SLCO1B3: variants seen among roughly 807,000 people sequenced by gnomAD.
SLCO1B3 encodes liver-specific organic anion transporter 2.
In SLCO1B3, 72 loss-of-function variants were observed where a neutral mutation model predicts 71.8. The ratio of observed to expected loss-of-function variants is 1.00; its 90% CI spans 0.83 to 1.22. The LOEUF (loss-of-function observed/expected upper bound fraction) is 1.22, where lower values mean the gene tolerates loss of function less well. Among genes scored for constraint, SLCO1B3 ranks in the 50% most tolerant of loss-of-function variants. SLCO1B3 has a pLI of 0.00. For synonymous variants in SLCO1B3, 298 were observed against 278.4 expected, an observed-to-expected ratio of 1.07 and a Z score of -0.70; for missense variants, 911 against 819.7, an observed-to-expected ratio of 1.11 and a Z score of -1.36.
chr12:20,853,304 A>G (rs750770472), intron 3 of SLCO1B3, among the ~76,000 whole-genome samples: 1 of 151,974 alleles, frequency 6.6e-6, no homozygotes, highest in African/African-American at 2.4e-5. Context: ...TTTCAAAAGT[A>G]TTGGTGTTAC....
chr12:20,897,050 C>T (rs553001155), intron 13 of SLCO1B3, among the ~76,000 whole-genome samples: 2 of 152,246 alleles, frequency 1.3e-5, no homozygotes, highest in African/African-American at 4.8e-5. Context: ...CCCACCGGAT[C>T]CCTCCCACAA....
chr12:20,855,000 T>G (rs750372010), intron 3 of SLCO1B3, 28 bp from the exon 4 acceptor site: 1 of 1,599,550 alleles, frequency 6.3e-7, no homozygotes, highest in Non-Finnish European at 8.5e-7. Context: ...GATTAACCAA[T>G]TTTCATTTTT....
chr12:20,865,834 C>T (rs917573695), intron 8 of SLCO1B3, among the ~76,000 whole-genome samples: 3 of 152,048 alleles, frequency 2.0e-5, no homozygotes, highest in Non-Finnish European at 2.9e-5. Context: ...ATAGACCTTA[C>T]ATGATGCCAT....
In SLCO1B3 at chr12:20,879,531, T is replaced by C. The variant is rs778837188; in HGVS notation, c.1231T>C (p.Ser411Pro). The change falls in exon 11 of 16, where the codon TCA becomes CCA. Residue 411 changes from serine (S) to proline (P), a missense_variant. Physicochemically the swap from Ser to Pro is moderately conservative, Grantham distance 74. Transcript: ENST00000381545. ...KLSLVGIAKF[S>P]FLTSMISFLF... ...GTCTTTAGTTGGAATTGCCAAATTT[T>C]CATTTCTTACTTCGATGATATCCTT... 6.2e-7 allele frequency: 1 copy of C among 1,612,346 alleles called. No individual in the cohort carries two copies. Among genetic ancestry groups the C allele is most frequent in the East Asian group, 2.2e-5 (1 of 44,786 alleles).
At chr12:20,909,777 C>G (rs1866337862) in intron 15 of SLCO1B3, among the ~76,000 whole-genome samples, 1 of 152,114 alleles carries the variant, frequency 6.6e-6, no homozygotes, top group African/African-American at 2.4e-5. Context: ...GTGGCACCTT[C>G]TTAGCTCACT....
intron 3 of SLCO1B3, among the ~76,000 whole-genome samples, chr12:20,820,573 G>C (rs1864277409): frequency 6.6e-6 from 1 of 152,200 alleles, no homozygotes; most frequent in Non-Finnish European, 1.5e-5. Context: ...TCACAGTGGA[G>C]GCAAGGAATT....
chr12:20,884,040 A>G (rs1378384336), intron 13 of SLCO1B3, among the ~76,000 whole-genome samples: 1 of 152,202 alleles, frequency 6.6e-6, no homozygotes, highest in African/African-American at 2.4e-5. Context: ...CTTTCAATTC[A>G]CCCACAGCAT....
At chr12:20,868,402 A>T (rs2121272102) in intron 8 of SLCO1B3, among the ~76,000 whole-genome samples, 1 of 152,098 alleles carries the variant, frequency 6.6e-6, no homozygotes, top group South Asian at 2.2e-4. Flanking sequence ...AACTACAGGC[A>T]CAATGTTGTA....
intron 15 of SLCO1B3, among the ~76,000 whole-genome samples, chr12:20,902,711 A>T (rs544179010): frequency 6.6e-6 from 1 of 152,326 alleles, no homozygotes; most frequent in Non-Finnish European, 1.5e-5. Context: ...GGTAAATTAG[A>T]AGAATTTATA....
intron 3 of SLCO1B3, among the ~76,000 whole-genome samples, chr12:20,837,656 C>A (rs951694010): frequency 6.6e-6 from 1 of 151,922 alleles, no homozygotes; most frequent in African/African-American, 2.4e-5. Context: ...TACTTTAATT[C>A]TATTGTTGTC....
intron 3 of SLCO1B3, among the ~76,000 whole-genome samples, chr12:20,851,599 T>C (rs1257080130): frequency 6.6e-6 from 1 of 152,214 alleles, no homozygotes; most frequent in African/African-American, 2.4e-5. Flanking sequence ...TTTGCAATTA[T>C]TTTCTGCCAT....
chr12:20,900,730 G>T (rs1866113054), intron 14 of SLCO1B3, among the ~76,000 whole-genome samples: 2 of 152,172 alleles, frequency 1.3e-5, no homozygotes, highest in Admixed American at 1.3e-4. Flanking sequence ...ATGCTGAATT[G>T]TGGGCTCTGA....
chr12:20,905,305 G>T (rs570439156), intron 15 of SLCO1B3, among the ~76,000 whole-genome samples: 1 of 152,284 alleles, frequency 6.6e-6, no homozygotes, highest in Non-Finnish European at 1.5e-5. Flanking sequence ...ATGTCCTAGA[G>T]ATATTTTCCC....
intron 3 of SLCO1B3, among the ~76,000 whole-genome samples, chr12:20,848,522 A>C (rs1286059455): frequency 3.3e-5 from 5 of 152,198 alleles, no homozygotes; most frequent in African/African-American, 1.2e-4. Flanking sequence ...ATCCACATAA[A>C]AGCCTGCACA....
At chr12:20,857,285 A>G (rs573150638) in intron 4 of SLCO1B3, among the ~76,000 whole-genome samples, 2 of 152,200 alleles carry the variant, frequency 1.3e-5, no homozygotes, top group South Asian at 4.1e-4. Flanking sequence ...AGGAACTTTC[A>G]TATGAAAGCT....
chr12:20,811,184 G>C (rs1864104901), intron 1 of SLCO1B3, among the ~76,000 whole-genome samples: 1 of 152,062 alleles, frequency 6.6e-6, no homozygotes, highest in Admixed American at 6.6e-5. Flanking sequence ...AGTAGGAGTG[G>C]GCGGGTGGAG....
intron 15 of SLCO1B3, among the ~76,000 whole-genome samples, chr12:20,910,975 G>A (rs1866362259): frequency 1.3e-5 from 2 of 151,090 alleles, no homozygotes; most frequent in Non-Finnish European, 2.9e-5. Context: ...TGGACTTTCT[G>A]TGTACCATGT....
chr12:20,872,253 C>T (rs1436590576), intron 8 of SLCO1B3, among the ~76,000 whole-genome samples: 1 of 151,762 alleles, frequency 6.6e-6, no homozygotes, highest in Non-Finnish European at 1.5e-5. Context: ...ATTATGAATG[C>T]TGCCAGGTCT....
intron 5 of SLCO1B3, among the ~76,000 whole-genome samples, chr12:20,860,599 T>TTGTGTGTGTGTGTG (rs34409706): frequency 1.4e-5 from 2 of 146,734 alleles, no homozygotes; most frequent in African/African-American, 5.0e-5. Context: ...GTCAAGCACT[T>TTGTGTGTGTGTGTG]TGTGTGTGTG....
Sources: allele counts gnomAD v4.1 joint callset (sites outside exome capture counted in the v4.1 genomes callset), GRCh38; gene constraint gnomAD v4.1.1; transcripts MANE v1.5; gene names NCBI Gene and HGNC (gene_info 2026-07-23, HGNC 2026-07-21).